BRCA2: variants seen among roughly 807,000 people sequenced by gnomAD.
BRCA2 encodes BRCA2 DNA repair associated.
In BRCA2, 203 loss-of-function variants were observed where a neutral mutation model predicts 276.7. The ratio of observed to expected loss-of-function variants is 0.73; its 90% confidence interval spans 0.65 to 0.82. BRCA2 has a LOEUF of 0.82. Among genes scored for constraint, BRCA2 ranks in the 40% least tolerant of loss-of-function variants. The pLI is 0.00. For synonymous variants in BRCA2, 1,289 were observed against 1,338.4 expected, an observed-to-expected ratio of 0.96 and a Z score of 0.81; for missense variants, 3,920 against 3,915.0, an observed-to-expected ratio of 1.00 and a Z score of -0.03.
intron 8 of BRCA2, among the ~76,000 whole-genome samples, chr13:32,330,501 G>A (rs1197107175): frequency 6.6e-6 from 1 of 152,130 alleles, no homozygotes; most frequent in Non-Finnish European, 1.5e-5. Flanking sequence ...AGTAAAATAA[G>A]GGTGACTTGA....
chr13:32,354,926 C>G lies in BRCA2; in HGVS notation c.7073C>G (p.Ser2358Cys), dbSNP rs431825349. 3.7e-6 allele frequency: 6 copies of G among 1,613,870 alleles called. No homozygotes were observed. The highest frequency in any genetic ancestry group is 3.3e-5 in the Admixed American group (2 of 59,986). ...ACCGCACCTGGTCAAGAATTTCTGTCTAAATCTCATTTGTATGAACATCTG... is the reference window on the plus strand; with the variant it reads ...ACCGCACCTGGTCAAGAATTTCTGTGTAAATCTCATTTGTATGAACATCTG... ...NFTAPGQEFL[S>C]KSHLYEHLTL... The change falls in exon 14 of 27, where the codon TCT becomes TGT. Residue 2358 changes from serine (S) to cysteine (C), a missense_variant. Physicochemically the swap from Ser to Cys is moderately radical, Grantham distance 112. Coordinates refer to ENST00000380152, the MANE Select transcript of BRCA2 (RefSeq NM_000059.4).
In BRCA2 at chr13:32,399,837, T is replaced by TGCAGTG. The variant is rs1230585500; in HGVS notation, c.*1071_*1076dup. On this transcript the variant is annotated 3_prime_UTR_variant, in exon 27 of 27. Coordinates refer to ENST00000380152, the MANE Select transcript of BRCA2 (RefSeq NM_000059.4). Reference sequence around the variant, plus strand: ...TCTTGCTTTGTCGCCCATGCTGGAGTGCAGTGGCATGATCCTGGCTCACTG... The same window carrying TGCAGTG: ...TCTTGCTTTGTCGCCCATGCTGGAGTGCAGTGGCAGTGGCATGATCCTGGCTCACTG... The TGCAGTG allele has an allele frequency of 1.3e-5, 2 of 151,122 alleles. No homozygotes were observed. The highest frequency in any genetic ancestry group is 4.9e-5 in the African/African-American group (2 of 40,802). The allele number at this position is 151,122 out of a possible 1,614,324, so 9.4% of individuals were successfully genotyped here. A position where few individuals can be genotyped will look rare whatever the true frequency, so the allele number is the denominator to read the frequency against.
At chr13:32,380,227 C>A (rs2072915801) in intron 24 of BRCA2, 82 bp downstream of exon 24, 2 of 1,447,684 alleles carry the variant, frequency 1.4e-6, no homozygotes, top group Non-Finnish European at 1.9e-6. Context: ...TTAGTTGGAG[C>A]TACCAGTTGG....
intron 12 of BRCA2, among the ~76,000 whole-genome samples, chr13:32,346,388 T>A (rs766380722): frequency 1.3e-5 from 2 of 152,076 alleles, no homozygotes; most frequent in African/African-American, 4.8e-5. Context: ...TAGTAGTTGA[T>A]CATCTGGCTG....
rs76844014 is a variant in BRCA2, at chr13:32,333,296, G to A, written c.1818G>A (p.Pro606=). ...CATCTTATAAAGGAAAAAAAATACC[G>A]AAAGACCAAAAATCAGAACTAATTA... ...DETSYKGKKI[P]KDQKSELINC... is the part of the protein sequence containing the mutation. Residue 606 remains proline, a synonymous_variant, in exon 10 of 27, where the codon CCG becomes CCA. Transcript: ENST00000380152. 25 of 1,604,782 alleles carry A rather than the reference G, an allele frequency of 1.6e-5. No individual in the cohort carries two copies. Among genetic ancestry groups the A allele is most frequent in the Middle Eastern group, 1.7e-4 (1 of 6,020 alleles).
At position 32,336,463 on chromosome 13, in the gene BRCA2, C is replaced by T. The variant is rs876660137; in HGVS notation, c.2108C>T (p.Thr703Ile). The T allele has an allele frequency of 6.2e-7, 1 of 1,613,960 alleles. No individual in the cohort carries two copies. Among genetic ancestry groups the T allele is most frequent in the Non-Finnish European group, 8.5e-7 (1 of 1,179,974 alleles). The change falls in exon 11 of 27, where the codon ACC becomes ATC. Residue 703 changes from threonine (T) to isoleucine (I), a missense_variant. Thr to Ile is a moderately conservative substitution (Grantham distance 89). This residue lies in a region of BRCA2 where 3,263 missense variants were observed against 3,156.9 expected (regional missense o/e 1.03). Coordinates refer to ENST00000380152, the MANE Select transcript of BRCA2 (RefSeq NM_000059.4). ...AAGGAAAAACTACAGTTATTTATTA[C>T]CCCAGAAGCTGATTCTCTGTCATGC... Reference protein sequence around the residue: ...CNKEKLQLFITPEADSLSCLQ... With the variant: ...CNKEKLQLFIIPEADSLSCLQ...
Position 32,336,698 on chromosome 13 carries a change from C to T in BRCA2, c.2343C>T (p.Asn781=), listed in dbSNP as rs876660253. Residue 781 remains asparagine (N), a synonymous_variant, in exon 11 of 27, where the codon AAC becomes AAT. Transcript: ENST00000380152. ...CTACTTCCAAGGATGTTCTGTCAAA[C>T]CTAGTCATGATTTCTAGAGGCAAAG... ...LTPTSKDVLS[N]LVMISRGKES... 1 of 1,613,700 alleles carries T rather than the reference C, an allele frequency of 6.2e-7. No homozygotes were observed. The highest frequency in any genetic ancestry group is 1.7e-5 in the Admixed American group (1 of 59,980).
At chr13:32,371,339 GCTT>G (rs1391766067) in intron 20 of BRCA2, among the ~76,000 whole-genome samples, 7 of 151,912 alleles carry the variant, frequency 4.6e-5, no homozygotes, top group Non-Finnish European at 1.0e-4. Flanking sequence ...ATATGATGTG[GCTT>G]TTGCATTTTT....
chr13:32,394,824 C>A lies in BRCA2; in HGVS notation c.9392C>A (p.Ser3131Tyr), dbSNP rs2137653509. The A allele has an allele frequency of 6.2e-7, 1 of 1,614,114 alleles. No homozygotes were observed. Among genetic ancestry groups the A allele is most frequent in the East Asian group, 2.2e-5 (1 of 44,868 alleles). ...AGCAACCTCCAGTGGCGACCAGAAT[C>A]CAAATCAGGCCTTCTTACTTTATTT... ...AASNLQWRPE[S>Y]KSGLLTLFAG... Residue 3131 changes from serine (S) to tyrosine (Y), a missense_variant, in exon 25 of 27, where the codon TCC (serine) becomes TAC (tyrosine). Physicochemically the swap from Ser to Tyr is moderately radical, Grantham distance 144. Transcript: ENST00000380152.
Position 32,340,550 on chromosome 13 carries a change from A to C in BRCA2, c.6195A>C (p.Gln2065His), listed in dbSNP as rs876658875. Residue 2065 changes from glutamine (Q) to histidine (H), a missense_variant, in exon 11 of 27, where the codon CAA (glutamine) becomes CAC (histidine). By Grantham distance (24) the Gln-to-His change is conservative. Around this residue, in one of 2 missense-constraint regions of BRCA2, gnomAD observed 3,263 missense variants for 3,156.9 expected, o/e 1.03. Transcript: ENST00000380152. ...GATTTAGTACAGCAAGTGGAAAGCA[A>C]GTTTCCATTTTAGAAAGTTCCTTAC... ...FSGFSTASGK[Q>H]VSILESSLHK... 2.5e-6 allele frequency: 4 copies of C among 1,612,938 alleles called. No homozygotes were observed. The South Asian group carries it at 4.4e-5, about 18-fold the overall frequency.
chr13:32,389,968 C>T (rs1255403185), intron 24 of BRCA2, among the ~76,000 whole-genome samples: 2 of 152,188 alleles, frequency 1.3e-5, no homozygotes, highest in African/African-American at 4.8e-5. Context: ...AGACTCTGAG[C>T]CTTCCTGTGC....
intron 3 of BRCA2, among the ~76,000 whole-genome samples, chr13:32,323,087 C>T (rs1237949691): frequency 2.6e-5 from 4 of 151,930 alleles, no homozygotes; most frequent in Non-Finnish European, 5.9e-5. Flanking sequence ...TTTGGTGTGT[C>T]AGTGTTTTGA....
intron 18 of BRCA2, among the ~76,000 whole-genome samples, chr13:32,368,633 G>A (rs896334227): frequency 6.6e-6 from 1 of 151,746 alleles, no homozygotes; most frequent in African/African-American, 2.4e-5. Flanking sequence ...AGGCTTGTCA[G>A]CTCATAGGGT....
rs80358868 is a variant in BRCA2 at position 32,340,651 on chromosome 13, G to C, written c.6296G>C (p.Arg2099Thr). The C allele has an allele frequency of 1.2e-6, 2 of 1,607,334 alleles. No homozygotes were observed. The highest frequency in any genetic ancestry group is 8.5e-7 in the Non-Finnish European group (1 of 1,178,278). The change falls in exon 11 of 27, where the codon AGA (arginine) becomes ACA (threonine). Residue 2099 changes from arginine to threonine, a missense_variant. Around this residue, in one of 2 missense-constraint regions of BRCA2, gnomAD observed 3,263 missense variants for 3,156.9 expected, o/e 1.03. Transcript: ENST00000380152. ...AGTCTTCACTATTCACCTACGTCTAGACAAAATGTATCAAAAATACTTCCT... is the reference window on the plus strand; with the variant it reads ...AGTCTTCACTATTCACCTACGTCTACACAAAATGTATCAAAAATACTTCCT... ...EHSLHYSPTS[R>T]QNVSKILPRV...
intron 8 of BRCA2, 84 bp from the exon 9 acceptor site, chr13:32,330,835 G>A (rs1256618107): frequency 8.6e-5 from 74 of 859,932 alleles, no homozygotes; most frequent in Non-Finnish European, 1.4e-4. Flanking sequence ...ATCACCAAAA[G>A]TGAAACCATG....
At position 32,336,579 on chromosome 13, in the gene BRCA2, C is replaced by A. The variant is rs80358494; in HGVS notation, c.2224C>A (p.Gln742Lys). 1.2e-6 allele frequency: 2 copies of A among 1,613,872 alleles called. No homozygotes were observed. Among genetic ancestry groups the A allele is most frequent in the African/African-American group, 2.7e-5 (2 of 74,900 alleles). Residue 742 changes from glutamine to lysine, a missense_variant, in exon 11 of 27, where the codon CAA becomes AAA. This residue lies in a region of BRCA2 where 3,263 missense variants were observed against 3,156.9 expected (regional missense o/e 1.03). Coordinates refer to ENST00000380152, the MANE Select transcript of BRCA2 (RefSeq NM_000059.4). Reference protein sequence around the residue: ...EVLAAACHPVQHSKVEYSDTD... With the variant: ...EVLAAACHPVKHSKVEYSDTD... ...CTTGGCTGCAGCATGTCACCCAGTA[C>A]AACATTCAAAAGTGGAATACAGTGA...
At chr13:32,351,672 A>T (rs923035819) in intron 13 of BRCA2, among the ~76,000 whole-genome samples, 2 of 152,234 alleles carry the variant, frequency 1.3e-5, no homozygotes, top group African/African-American at 4.8e-5. Flanking sequence ...CATGTCACTT[A>T]GACATATAAA....
At chr13:32,384,084 G>A (rs2072942886) in intron 24 of BRCA2, among the ~76,000 whole-genome samples, 1 of 152,166 alleles carries the variant, frequency 6.6e-6, no homozygotes, top group South Asian at 2.1e-4. Context: ...GTGAGCCAGG[G>A]TCAATGGATG....
In BRCA2 at chr13:32,338,238, C is replaced by T. The variant is rs879255309; in HGVS notation, c.3883C>T (p.Gln1295Ter). The change falls in exon 11 of 27, where the codon CAA (glutamine) becomes TAA (stop). Residue 1295 changes from glutamine to a stop codon, truncating the protein, a stop_gained. Coordinates refer to ENST00000380152, the MANE Select transcript of BRCA2 (RefSeq NM_000059.4). LOFTEE classifies it high-confidence loss of function. ...EKNNKCQLIL[Q>*]NNIEMTTGTF... ...AAATAATAAATGCCAACTGATATTA[C>T]AAAATAATATTGAAATGACTACTGG... 6.5e-7 allele frequency: 1 copy of T among 1,539,680 alleles called. No homozygotes were observed. The highest frequency in any genetic ancestry group is 2.3e-5 in the East Asian group (1 of 43,750).
Sources: allele counts gnomAD v4.1 joint callset (sites outside exome capture counted in the v4.1 genomes callset), GRCh38; gene constraint gnomAD v4.1.1; regional missense constraint gnomAD v4.1.1; transcripts MANE v1.5; gene names NCBI Gene and HGNC (gene_info 2026-07-23, HGNC 2026-07-21).